CNKSR2: variants seen among roughly 807,000 people sequenced by gnomAD.
The protein encoded by CNKSR2 is CNK homolog protein 2.
Under a neutral mutation model 84.4 loss-of-function variants are expected in CNKSR2, and 14 were observed. The ratio of observed to expected loss-of-function variants is 0.17; its 90% CI spans 0.11 to 0.26. The LOEUF is 0.26. Ranked by LOEUF, CNKSR2 falls within the 10% of genes least tolerant of loss-of-function variation. The probability of loss-of-function intolerance (pLI) is 1.00; values close to 1 mark genes in which losing one functional copy is unlikely to be tolerated. For missense variants in CNKSR2, 485 were observed against 771.2 expected (o/e 0.63, Z 4.40); for synonymous variants, 275 against 277.9 (o/e 0.99, Z 0.10).
chrX:21,601,175 T>C, intron 17 of CNKSR2, 107 bp from the exon 18 acceptor site: 1 of 454,906 alleles, frequency 2.2e-6, no homozygotes. Context: ...ATCTTATATG[T>C]AGGATTATTC....
chrX:21,620,264 A>G (rs1437940455), intron 20 of CNKSR2, among the ~76,000 whole-genome samples: 1 of 110,249 alleles, frequency 9.1e-6, no homozygotes, highest in East Asian at 2.8e-4. Flanking sequence ...TCACTGATTT[A>G]CTATTAAAGA....
chrX:21,493,445 T>C (rs1335158327), intron 6 of CNKSR2: 2 of 111,824 alleles, frequency 1.8e-5, no homozygotes, highest in Non-Finnish European at 3.8e-5. Context: ...TTGCTTTGGC[T>C]CCTGTTGGTT....
At chrX:21,577,419 T>C (rs2092325978) in intron 13 of CNKSR2, among the ~76,000 whole-genome samples, 1 of 111,499 alleles carries the variant, frequency 9.0e-6, no homozygotes, top group South Asian at 3.7e-4. Context: ...CTTTTTGCCT[T>C]TAGGGAAAAA....
intron 5 of CNKSR2, 55 bp from the exon 6 acceptor site, chrX:21,490,404 A>T (rs1248269520): frequency 8.9e-7 from 1 of 1,121,011 alleles, no homozygotes; most frequent in Non-Finnish European, 1.2e-6. Flanking sequence ...AAGGTGATTT[A>T]TATGTTACTT....
At chrX:21,445,515 T>C (rs186474273) in intron 4 of CNKSR2, among the ~76,000 whole-genome samples, 6 of 110,777 alleles carry the variant, frequency 5.4e-5, no homozygotes, top group African/African-American at 2.0e-4. Flanking sequence ...TTATATTCAT[T>C]CTACAGTGCT....
At chrX:21,478,692 C>G (rs1398323521) in intron 5 of CNKSR2, among the ~76,000 whole-genome samples, 1 of 111,006 alleles carries the variant, frequency 9.0e-6, no homozygotes, top group African/African-American at 3.3e-5. Flanking sequence ...GGATAGGTGT[C>G]CTGACCCCAT....
intron 17 of CNKSR2, among the ~76,000 whole-genome samples, chrX:21,597,118 A>G (rs2092454940): frequency 8.9e-6 from 1 of 111,856 alleles, no homozygotes; most frequent in South Asian, 3.7e-4. Context: ...AAGAATTAAT[A>G]CAATGTAATC....
In CNKSR2 at chrX:21,374,620, CAGCAGCA is replaced by C. The variant is rs2089773716; in HGVS notation, c.-277_-271del. The C allele has an allele frequency of 1.5e-4, 75 of 511,768 alleles. No individual in the cohort carries two copies. In the South Asian group the frequency reaches 1.7e-3, roughly 11 times the overall value. The allele number at this position is 511,768 out of a possible 1,213,427, so 42.2% of individuals were successfully genotyped here. On this transcript the variant is annotated 5_prime_UTR_variant, in exon 1 of 22. Coordinates refer to ENST00000379510, the MANE Select transcript of CNKSR2 (RefSeq NM_014927.5). The stretch of plus-strand genomic sequence containing the variant: ...GCAGCAGCAGCAGCAGCAGCAGCAG[CAGCAGCA>C]GCAGCCGCCGCCGCCGCCGCCTTAG...
chrX:21,594,623 G>A, intron 15 of CNKSR2: 1 of 123,340 alleles, frequency 8.1e-6, no homozygotes, highest in East Asian at 2.3e-4. Flanking sequence ...AATTACAAAA[G>A]TGGACTACAT....
chrX:21,646,625 T>C (rs1569291496), intron 20 of CNKSR2, among the ~76,000 whole-genome samples: 1 of 111,325 alleles, frequency 9.0e-6, no homozygotes, highest in Non-Finnish European at 1.9e-5. Flanking sequence ...ATACTCTGCC[T>C]CCCTTAAATC....
chrX:21,652,455 T>A lies in CNKSR2; in HGVS notation c.3039T>A (p.Ser1013=). Residue 1013 remains serine (S), a synonymous_variant, in exon 22 of 22, where the codon TCT becomes TCA. Coordinates refer to ENST00000379510, the MANE Select transcript of CNKSR2 (RefSeq NM_014927.5). ...CCTCAAATGACCCACTGAGTATTTC[T>A]TCTGAAGTAGATGTAATCACTTCCT... ...NTTSNDPLSI[S]SEVDVITSSL... 3.3e-6 allele frequency: 4 copies of A among 1,210,619 alleles called. No individual in the cohort carries two copies. Among genetic ancestry groups the A allele is most frequent in the Non-Finnish European group, 4.5e-6 (4 of 894,297 alleles).
At chrX:21,395,549 G>GA (rs1264597375) in intron 1 of CNKSR2, among the ~76,000 whole-genome samples, 20 of 104,949 alleles carry the variant, frequency 1.9e-4, no homozygotes, top group African/African-American at 5.8e-4. Context: ...TGAATGCCTT[G>GA]AAAAAAAAAA....
rs1039107699 is a variant in CNKSR2, at chrX:21,482,097, A to G, written c.562-8362A>G. Among the ~76,000 whole-genome samples the G allele has an allele frequency of 2.7e-5, 3 of 111,854 alleles. No individual in the cohort carries two copies. In the Admixed American group the frequency reaches 2.8e-4, roughly 11 times the overall value. Reference sequence around the variant, plus strand: ...TTACACAGCTATAGATACCTAATACAGTATCATTAATTTAAATTTCAACTC... The same window carrying G: ...TTACACAGCTATAGATACCTAATACGGTATCATTAATTTAAATTTCAACTC... On this transcript the variant is annotated intron_variant, in intron 5 of 21. Transcript: ENST00000379510.
At chrX:21,498,435 A>G (rs1399904683) in intron 7 of CNKSR2, among the ~76,000 whole-genome samples, 3 of 110,886 alleles carry the variant, frequency 2.7e-5, no homozygotes, top group Non-Finnish European at 3.8e-5. Flanking sequence ...TCTGAGGCAT[A>G]TTTGCGAACC....
intron 13 of CNKSR2, among the ~76,000 whole-genome samples, chrX:21,582,770 A>G (rs1162155097): frequency 5.4e-5 from 6 of 111,888 alleles, no homozygotes; most frequent in Non-Finnish European, 1.1e-4. Flanking sequence ...TAAGGATGGC[A>G]GTTCTTATTT....
chrX:21,477,114 TG>T (rs1191743154), intron 5 of CNKSR2, among the ~76,000 whole-genome samples: 1 of 111,689 alleles, frequency 9.0e-6, no homozygotes, highest in Non-Finnish European at 1.9e-5. Flanking sequence ...TTGGTGAGCC[TG>T]GAACACTTGT....
intron 21 of CNKSR2, among the ~76,000 whole-genome samples, chrX:21,652,089 G>T (rs761113208): frequency 8.9e-6 from 1 of 111,827 alleles, no homozygotes; most frequent in African/African-American, 3.2e-5. Flanking sequence ...CAAAAGGACA[G>T]GCAAAGAGAA....
intron 11 of CNKSR2, among the ~76,000 whole-genome samples, chrX:21,543,513 A>G (rs929005289): frequency 8.9e-6 from 1 of 112,620 alleles, no homozygotes; most frequent in African/African-American, 3.2e-5. Flanking sequence ...ATATTTTGAC[A>G]TAGAAAGTAG....
At chrX:21,459,948 C>T (rs1217596185) in intron 4 of CNKSR2, among the ~76,000 whole-genome samples, 1 of 111,256 alleles carries the variant, frequency 9.0e-6, no homozygotes, top group East Asian at 2.8e-4. Context: ...CTGTTTTTCC[C>T]TTCTCCCTTT....
Sources: gnomAD v4.1 joint callset for allele counts (sites outside exome capture counted in the v4.1 genomes callset) on GRCh38, gnomAD v4.1.1 for gene constraint, MANE v1.5 for transcripts, NCBI Gene and HGNC (gene_info 2026-07-23, HGNC 2026-07-21) for gene names.